CD180: variants seen among roughly 807,000 people sequenced by gnomAD.
The protein encoded by CD180 is CD180 molecule.
A neutral mutation model predicts 10.7 loss-of-function variants in CD180; 11 were observed. That is an observed-to-expected ratio of 1.03 (90% CI 0.65 to 1.70). The LOEUF (loss-of-function observed/expected upper bound fraction) is 1.70. Among genes scored for constraint, CD180 ranks in the 40% most tolerant of loss-of-function variants. The pLI is 0.00. For synonymous variants in CD180, 286 were observed against 294.6 expected (o/e 0.97, Z 0.30); for missense variants, 729 against 775.2 (o/e 0.94, Z 0.71).
intron 1 of CD180, among the ~76,000 whole-genome samples, chr5:67,191,423 C>T (rs1581829402): frequency 6.6e-6 from 1 of 152,176 alleles, no homozygotes; most frequent in African/African-American, 2.4e-5. Context: ...TATTGGGAAG[C>T]CCTTGTGTCT....
chr5:67,192,052 T>A (rs1015122478), intron 1 of CD180, among the ~76,000 whole-genome samples: 1 of 152,118 alleles, frequency 6.6e-6, no homozygotes, highest in African/African-American at 2.4e-5. Context: ...AGGACAGAAT[T>A]GTACTGAAAA....
Position 67,196,637 on chromosome 5 carries a change from G to A in CD180, c.5C>T (p.Ala2Val), listed in dbSNP as rs757882941. The change falls in exon 1 of 3, where the codon GCG (alanine) becomes GTG (valine). Residue 2 changes from alanine to valine, a missense_variant. Ala to Val is a moderately conservative substitution (Grantham distance 64, BLOSUM62 0). Coordinates refer to ENST00000256447, the MANE Select transcript of CD180 (RefSeq NM_005582.3). MAFDVSCFFWVV... is the reference protein window; with the variant it reads MVFDVSCFFWVV... ...CCAAAAGAAGCAGCTGACGTCAAAC[G>A]CCATCACAGGCTAGGATTGCTTGGT... The A allele has an allele frequency of 1.5e-5, 25 of 1,613,588 alleles. No homozygotes were observed. The African/African-American group carries it at 2.7e-4, about 17-fold the overall frequency.
At chr5:67,191,017 G>A (rs1742294304) in intron 1 of CD180, 7 of 985,100 alleles carry the variant, frequency 7.1e-6, no homozygotes, top group South Asian at 4.7e-5. Context: ...GACCTCCAAC[G>A]CTTCCTCATT....
rs963671246 is a variant in CD180 at position 67,183,678 on chromosome 5, T to G, written c.1165A>C (p.Ser389Arg). The G allele has an allele frequency of 6.2e-7, 1 of 1,614,176 alleles. No individual in the cohort carries two copies. Among genetic ancestry groups the G allele is most frequent in the Non-Finnish European group, 8.5e-7 (1 of 1,180,036 alleles). ...HNDIEASDCC[S>R]LQLKNLSHLQ... ...TGGGACAGGTTTTTGAGTTGCAGAC[T>G]GCAGCAGTCAGAAGCCTCTATGTCA... The change falls in exon 3 of 3, where the codon AGT becomes CGT. Residue 389 changes from serine to arginine, a missense_variant. Transcript: ENST00000256447.
At position 67,183,866 on chromosome 5, in the gene CD180, A is replaced by G; in HGVS notation, c.977T>C (p.Leu326Ser). ...ATCGAAATGATTTACACTGAGAACT[A>G]ATTTCTTGAGCAAGTTCAGACCCTT... ...GMKGLNLLKK[L>S]VLSVNHFDQL... is the part of the protein sequence containing the mutation. The change falls in exon 3 of 3, where the codon TTA (leucine) becomes TCA (serine). Residue 326 changes from leucine to serine, a missense_variant. Coordinates refer to ENST00000256447, the MANE Select transcript of CD180 (RefSeq NM_005582.3). 1 of 1,614,212 alleles carries G rather than the reference A, an allele frequency of 6.2e-7. No individual in the cohort carries two copies. The highest frequency in any genetic ancestry group is 8.5e-7 in the Non-Finnish European group (1 of 1,180,036).
chr5:67,193,584 A>C (rs6877830), intron 1 of CD180, among the ~76,000 whole-genome samples: 1 of 152,362 alleles, frequency 6.6e-6, no homozygotes, highest in South Asian at 2.1e-4. Flanking sequence ...TCTGATGCTA[A>C]CTGAATAGCT....
chr5:67,182,321 CTTTTT>C lies in CD180; in HGVS notation c.*531_*535del, dbSNP rs1419019643. On this transcript the variant is annotated 3_prime_UTR_variant, in exon 3 of 3. Coordinates refer to ENST00000256447, the MANE Select transcript of CD180 (RefSeq NM_005582.3). Reference sequence around the variant, plus strand: ...TTTAAATTTATTATGCTTTTCTTTTCTTTTTTCATTTAAAATAAGGATTGAGACTT... The same window carrying C: ...TTTAAATTTATTATGCTTTTCTTTTCTCATTTAAAATAAGGATTGAGACTT... The C allele has an allele frequency of 6.6e-6, 1 of 151,838 alleles. No homozygotes were observed. Among genetic ancestry groups the C allele is most frequent in the Non-Finnish European group, 1.5e-5 (1 of 67,994 alleles). 9.4% of individuals were successfully genotyped at this position (151,838 alleles called of 1,614,324 possible). A position where few individuals can be genotyped will look rare whatever the true frequency, so the allele number is the denominator to read the frequency against.
chr5:67,189,021 T>C (rs1235405911), intron 1 of CD180, among the ~76,000 whole-genome samples: 1 of 152,168 alleles, frequency 6.6e-6, no homozygotes, highest in Non-Finnish European at 1.5e-5. Context: ...AGAGAGAATA[T>C]GTATGTGCAG....
rs1375509808 is a variant in CD180 at position 67,183,199 on chromosome 5, G to A, written c.1644C>T (p.Leu548=). 1 of 1,611,964 alleles carries A rather than the reference G, an allele frequency of 6.2e-7. No individual in the cohort carries two copies. The highest frequency in any genetic ancestry group is 8.5e-7 in the Non-Finnish European group (1 of 1,178,446). ...DSLSHLKGIY[L]NLAANSINII... ...TGTTAATGCTGTTGGCAGCCAGATT[G>A]AGGTAGATTCCCTTAAGATGGCTAA... is the stretch of plus-strand genomic sequence containing the variant. Residue 548 remains leucine (L), a synonymous_variant, in exon 3 of 3, where the codon CTC becomes CTT. Coordinates refer to ENST00000256447, the MANE Select transcript of CD180 (RefSeq NM_005582.3).
In CD180 at chr5:67,196,721, T is replaced by C. The variant is rs1309623850; in HGVS notation, c.-80A>G. The C allele has an allele frequency of 5.6e-6, 9 of 1,597,770 alleles. No homozygotes were observed. Among genetic ancestry groups the C allele is most frequent in the Non-Finnish European group, 7.7e-6 (9 of 1,170,622 alleles). On this transcript the variant is annotated 5_prime_UTR_variant, in exon 1 of 3. Transcript: ENST00000256447. ...ATCAAACTGTGAAGGCCCTGGCAAT[T>C]TGGCAGCCAGAGAGGTACTCAGAAG... is the stretch of plus-strand genomic sequence containing the variant.
chr5:67,191,407 G>A (rs1445436843), intron 1 of CD180, among the ~76,000 whole-genome samples: 1 of 152,146 alleles, frequency 6.6e-6, no homozygotes, highest in East Asian at 1.9e-4. Context: ...CATCATTATC[G>A]AAAGCTATTG....
intron 2 of CD180, among the ~76,000 whole-genome samples, chr5:67,185,062 T>TCA (rs57251966): frequency 0.08 from 11,526 of 144,918 alleles, 593 homozygotes; most frequent in East Asian, 0.17. Context: ...AAATACTGGA[T>TCA]CACACACACA....
intron 1 of CD180, among the ~76,000 whole-genome samples, chr5:67,192,113 G>A (rs1382318613): frequency 8.5e-5 from 13 of 152,248 alleles, no homozygotes; most frequent in African/African-American, 2.4e-4. Context: ...CTTTGGGGCC[G>A]GGCACGGTGG....
Position 67,196,796 on chromosome 5 carries a change from C to A in CD180, c.-155G>T. On this transcript the variant is annotated 5_prime_UTR_variant, in exon 1 of 3. Transcript: ENST00000256447. ...GTTGACTGCTCAGCATTCTGTGGCTCTGTGCTGGAAAAAAAAAAAAAAAAA... is the reference window on the plus strand; with the variant it reads ...GTTGACTGCTCAGCATTCTGTGGCTATGTGCTGGAAAAAAAAAAAAAAAAA... 106 of 355,034 alleles carry A rather than the reference C, an allele frequency of 3.0e-4. No individual in the cohort carries two copies. The highest frequency in any genetic ancestry group is 4.4e-4 in the Non-Finnish European group (91 of 208,856). The allele number at this position is 355,034 out of a possible 1,614,324, so 22.0% of individuals were successfully genotyped here. A position where few individuals can be genotyped will look rare whatever the true frequency, so the allele number is the denominator to read the frequency against.
rs1043690855 is a variant in CD180, at chr5:67,181,772, C to A, written c.*1085G>T. 6.6e-5 allele frequency: 10 copies of A among 152,226 alleles called. No individual in the cohort carries two copies. The highest frequency in any genetic ancestry group is 1.5e-4 in the Non-Finnish European group (10 of 68,054). The allele number at this position is 152,226 out of a possible 1,614,324, so 9.4% of individuals were successfully genotyped here. A position where few individuals can be genotyped will look rare whatever the true frequency, so the allele number is the denominator to read the frequency against. On this transcript the variant is annotated 3_prime_UTR_variant, in exon 3 of 3. Coordinates refer to ENST00000256447, the MANE Select transcript of CD180 (RefSeq NM_005582.3). Reference sequence around the variant, plus strand: ...ACATTGCTCTTTGTCTATCTGCATTCAGTGGTTCAGGCCCCTGTCCATGGC... The same window carrying A: ...ACATTGCTCTTTGTCTATCTGCATTAAGTGGTTCAGGCCCCTGTCCATGGC...
Position 67,183,778 on chromosome 5 carries a change from G to A in CD180, c.1065C>T (p.Asn355=), listed in dbSNP as rs542041046. The A allele has an allele frequency of 1.8e-5, 29 of 1,614,072 alleles. No individual in the cohort carries two copies. Among genetic ancestry groups the A allele is most frequent in the Middle Eastern group, 1.6e-4 (1 of 6,062 alleles). ...CAACACCAAGGTGAAGTTTCTTCAC[G>A]TTGCCTCTGATGTAGAGGTGTGTAA... ...PSLTHLYIRG[N]VKKLHLGVGC... is the part of the protein sequence containing the mutation. Residue 355 remains asparagine (N), a synonymous_variant, in exon 3 of 3, where the codon AAC becomes AAT. Coordinates refer to ENST00000256447, the MANE Select transcript of CD180 (RefSeq NM_005582.3).
At chr5:67,185,062 T>TCACA (rs57251966) in intron 2 of CD180, among the ~76,000 whole-genome samples, 3,157 of 145,040 alleles carry the variant, frequency 0.022, 82 homozygotes, top group African/African-American at 0.055. Flanking sequence ...AAATACTGGA[T>TCACA]CACACACACA....
At chr5:67,195,636 C>A (rs1414888669) in intron 1 of CD180, among the ~76,000 whole-genome samples, 1 of 152,258 alleles carries the variant, frequency 6.6e-6, no homozygotes, top group Non-Finnish European at 1.5e-5. Flanking sequence ...AATGCCAGAC[C>A]AACAAGGCTC....
intron 1 of CD180, chr5:67,190,841 A>T: frequency 2.2e-5 from 14 of 633,516 alleles, no homozygotes; most frequent in South Asian, 7.0e-5. Flanking sequence ...TGTATATCTA[A>T]CTCCCTCTCA....
Sources: allele counts gnomAD v4.1 joint callset (sites outside exome capture counted in the v4.1 genomes callset), GRCh38; gene constraint gnomAD v4.1.1; transcripts MANE v1.5; gene names NCBI Gene and HGNC (gene_info 2026-07-23, HGNC 2026-07-21).